The following BRI3BP variants were observed in gnomAD, a reference collection of about 807,000 sequenced individuals.
The protein encoded by BRI3BP is BRI3 binding protein.
Under a neutral mutation model 15.8 loss-of-function variants are expected in BRI3BP, and 7 were observed. The ratio of observed to expected loss-of-function variants is 0.44; its 90% CI spans 0.25 to 0.83. BRI3BP has a LOEUF of 0.83. BRI3BP is among the 40% of genes least tolerant of loss of function. The pLI is 0.20. For synonymous variants in BRI3BP, 192 were observed against 163.5 expected (o/e 1.17, Z -1.33); for missense variants, 320 against 339.3 (o/e 0.94, Z 0.45).
At chr12:125,017,325 G>GTT (rs57946757) in intron 2 of BRI3BP, among the ~76,000 whole-genome samples, 69,908 of 138,490 alleles carry the variant, frequency 0.5, 19,097 homozygotes, top group Non-Finnish European at 0.64. Context: ...CCCCCCTAAT[G>GTT]TTTTTTTTTT....
rs367787854 is a variant in BRI3BP, at chr12:124,998,452, G to T, written c.213+4449G>T. ...CAGCCATAAAAAGGAATGAAGTATTGCTATATGCTACAACTTGGACGAACC... is the reference window on the plus strand; with the variant it reads ...CAGCCATAAAAAGGAATGAAGTATTTCTATATGCTACAACTTGGACGAACC... On this transcript the variant is annotated intron_variant, in intron 1 of 2. Transcript: ENST00000341446. Among the ~76,000 whole-genome samples, 3 of 152,250 alleles carry T rather than the reference G, an allele frequency of 2.0e-5. No homozygotes were observed. In the South Asian group the frequency reaches 6.2e-4, roughly 32 times the overall value.
At chr12:125,019,528 A>T (rs1955275241) in intron 2 of BRI3BP, among the ~76,000 whole-genome samples, 1 of 151,592 alleles carries the variant, frequency 6.6e-6, no homozygotes, top group African/African-American at 2.4e-5. Flanking sequence ...GAGGTCAGGG[A>T]TTCAGTACGT....
At chr12:125,033,370 C>T (rs1266644978), downstream of BRI3BP, among the ~76,000 whole-genome samples, 3 of 151,984 alleles carry the variant, frequency 2.0e-5, no homozygotes, top group Non-Finnish European at 4.4e-5. Context: ...CCAACCTGGG[C>T]GACGGAGTGA....
chr12:124,994,464 T>C (rs1008327138), intron 1 of BRI3BP, among the ~76,000 whole-genome samples: 2 of 152,010 alleles, frequency 1.3e-5, no homozygotes, highest in African/African-American at 4.8e-5. Flanking sequence ...GCCCCACTCC[T>C]CCTCCTGCTT....
At chr12:125,022,079 T>TAA (rs57327862) in intron 2 of BRI3BP, among the ~76,000 whole-genome samples, 1 of 129,330 alleles carries the variant, frequency 7.7e-6, no homozygotes, top group African/African-American at 2.7e-5. Flanking sequence ...GACCCTGTCT[T>TAA]AAAAAAAAAA....
In BRI3BP at chr12:125,025,055, G is replaced by T. The variant is rs201709552; in HGVS notation, c.381G>T (p.Leu127=). ...SVSSSPARAL[L]LVGVVLLAYW... ...CCAGCAGCCCGGCCCGCGCGCTCCT[G>T]CTGGTCGGCGTCGTCCTCCTGGCCT... Residue 127 remains leucine (L), a synonymous_variant, in exon 3 of 3, where the codon CTG becomes CTT. Coordinates refer to ENST00000341446, the MANE Select transcript of BRI3BP (RefSeq NM_080626.6). The T allele has an allele frequency of 1.2e-6, 2 of 1,613,534 alleles. No individual in the cohort carries two copies. The highest frequency in any genetic ancestry group is 3.3e-5 in the Admixed American group (2 of 60,014).
At chr12:125,008,408 G>T (rs1343130202) in intron 1 of BRI3BP, among the ~76,000 whole-genome samples, 4 of 150,260 alleles carry the variant, frequency 2.7e-5, no homozygotes, top group Non-Finnish European at 5.9e-5. Context: ...CGCCTCCCGG[G>T]TTCACACCAT....
the BRI3BP span, among the ~76,000 whole-genome samples, chr12:125,045,818 C>T: frequency 6.6e-6 from 1 of 152,002 alleles, no homozygotes; most frequent in Admixed American, 6.6e-5. Flanking sequence ...GGTTTTAGTT[C>T]AATGGTTGCA....
chr12:125,043,843 G>A, the BRI3BP span, among the ~76,000 whole-genome samples: 12 of 152,112 alleles, frequency 7.9e-5, no homozygotes, highest in South Asian at 2.5e-3. Flanking sequence ...GTGAAAGAGC[G>A]AGACTCCGTC....
chr12:125,035,285 T>G (rs1955434741), downstream of BRI3BP, among the ~76,000 whole-genome samples: 1 of 152,258 alleles, frequency 6.6e-6, no homozygotes, highest in African/African-American at 2.4e-5. Context: ...TGTAGCATTT[T>G]ACATTCCTAC....
At chr12:125,033,219 T>A (rs1253977262), downstream of BRI3BP, among the ~76,000 whole-genome samples, 1 of 152,116 alleles carries the variant, frequency 6.6e-6, no homozygotes, top group African/African-American at 2.4e-5. Flanking sequence ...AGCTGCCTAC[T>A]TTATCTTGTG....
At chr12:125,024,103 A>G (rs543776371) in intron 2 of BRI3BP, among the ~76,000 whole-genome samples, 1 of 152,214 alleles carries the variant, frequency 6.6e-6, no homozygotes, top group East Asian at 1.9e-4. Context: ...TAAATAAAAG[A>G]GGTTTAATTG....
intron 1 of BRI3BP, 91 bp downstream of exon 1, chr12:124,994,094 G>A: frequency 2.2e-6 from 2 of 914,472 alleles, no homozygotes; most frequent in South Asian, 5.1e-5. Flanking sequence ...CGGCCTCCGG[G>A]GCTGCCCGCC....
downstream of BRI3BP, among the ~76,000 whole-genome samples, chr12:125,033,070 G>A (rs1955418353): frequency 6.6e-6 from 1 of 152,108 alleles, no homozygotes; most frequent in Admixed American, 6.6e-5. Flanking sequence ...CAGCCCCTTT[G>A]CACCTATGAA....
chr12:125,022,541 A>ATTTATTTATTTATTTATTTATTTTTT, intron 2 of BRI3BP, among the ~76,000 whole-genome samples: 2 of 139,404 alleles, frequency 1.4e-5, no homozygotes, highest in African/African-American at 5.8e-5. Flanking sequence ...TTATTTATTT[A>ATTTATTTATTTATTTATTTATTTTTT]TTTTTTGAGA....
the BRI3BP span, among the ~76,000 whole-genome samples, chr12:125,044,543 G>A: frequency 6.6e-6 from 1 of 150,986 alleles, no homozygotes; most frequent in Non-Finnish European, 1.5e-5. Flanking sequence ...TCTGCCTCCT[G>A]GGTTCAAGCT....
intron 1 of BRI3BP, among the ~76,000 whole-genome samples, chr12:125,009,279 C>T (rs1407467178): frequency 5.7e-5 from 8 of 140,118 alleles, no homozygotes; most frequent in East Asian, 2.0e-4. Flanking sequence ...CCGCACCCAG[C>T]CATCTTTTTT....
rs1955367412 is a variant in BRI3BP, at chr12:125,027,643, C to A, written c.*2213C>A. 6.6e-6 allele frequency: 1 copy of A among 152,132 alleles called. No homozygotes were observed. The highest frequency in any genetic ancestry group is 1.5e-5 in the Non-Finnish European group (1 of 68,040). 9.4% of individuals were successfully genotyped at this position (152,132 alleles called of 1,614,324 possible). On this transcript the variant is annotated 3_prime_UTR_variant, in exon 3 of 3. Transcript: ENST00000341446. ...TGAGATCATACCACCACACTCTAGC[C>A]TCAGCAACAGAGTGAGACTCCGTCT... is the stretch of plus-strand genomic sequence containing the variant.
At chr12:125,047,992 C>A in the BRI3BP span, among the ~76,000 whole-genome samples, 7 of 148,900 alleles carry the variant, frequency 4.7e-5, no homozygotes, top group Admixed American at 1.4e-4. Flanking sequence ...CTACTGTGCC[C>A]GGCCTACTTT....
Sources: allele counts gnomAD v4.1 joint callset (sites outside exome capture counted in the v4.1 genomes callset), GRCh38; gene constraint gnomAD v4.1.1; transcripts MANE v1.5; gene names NCBI Gene and HGNC (gene_info 2026-07-23, HGNC 2026-07-21).